Variants in GATAD2B observed in about 807,000 individuals in gnomAD.
The protein encoded by GATAD2B is GATA zinc finger domain containing 2B, also known as transcriptional repressor p66-beta.
In GATAD2B, 8 loss-of-function variants were observed where a neutral mutation model predicts 64.3. That is an observed-to-expected ratio of 0.12 (90% CI 0.07 to 0.22). The LOEUF (loss-of-function observed/expected upper bound fraction) is 0.22. Among genes scored for constraint, GATAD2B ranks in the 10% least tolerant of loss-of-function variants. The pLI is 1.00. For missense variants in GATAD2B, 453 were observed against 752.0 expected (o/e 0.60, Z 4.65); for synonymous variants, 281 against 271.3 (o/e 1.04, Z -0.35).
chr1:153,811,547 T>G (rs1275454601), intron 10 of GATAD2B, 184 bp downstream of exon 10: 5 of 677,808 alleles, frequency 7.4e-6, no homozygotes, highest in African/African-American at 1.8e-5. Flanking sequence ...AAAACCCTAG[T>G]GCATTGTGGG....
At position 153,909,456 on chromosome 1, in the gene GATAD2B, T is replaced by TC. The variant is rs1436867296; in HGVS notation, c.-2+13276dup. Reference sequence around the variant, plus strand: ...ACCTCATGATCCACCCGCCTTGGCCTCCTAAAGTGCTGGGATTACAGGCGT... The same window carrying TC: ...ACCTCATGATCCACCCGCCTTGGCCTCCCTAAAGTGCTGGGATTACAGGCGT... On this transcript the variant is annotated intron_variant, in intron 1 of 10. Coordinates refer to ENST00000368655, the MANE Select transcript of GATAD2B (RefSeq NM_020699.4). 2.6e-5 allele frequency among the ~76,000 whole-genome samples: 4 copies of TC among 151,652 alleles called. No individual in the cohort carries two copies. In the East Asian group the frequency reaches 8.0e-4, roughly 30 times the overall value.
At chr1:153,853,193 C>G in intron 1 of GATAD2B, 1 of 1,216,426 alleles carries the variant, frequency 8.2e-7, no homozygotes, top group Non-Finnish European at 1.2e-6. Context: ...CAATTTGCAG[C>G]TCTAGCTTCT....
rs915946777 is a variant in GATAD2B at position 153,848,970 on chromosome 1, C to A, written c.-1-20622G>T. ...ATCTCAAAACAAAGCAAAAAACAAA[C>A]AAACCCCCCCCCTCCCCCAGACTGG... On this transcript the variant is annotated intron_variant, in intron 1 of 10. Transcript: ENST00000368655. 3.5e-4 allele frequency among the ~76,000 whole-genome samples: 45 copies of A among 128,302 alleles called. No individual in the cohort carries two copies. In the Admixed American group the frequency reaches 3.8e-3, roughly 11 times the overall value. 84.2% of individuals were successfully genotyped at this position (128,302 alleles called of 152,430 possible).
At chr1:153,889,928 C>G (rs570237863) in intron 1 of GATAD2B, among the ~76,000 whole-genome samples, 8 of 151,956 alleles carry the variant, frequency 5.3e-5, no homozygotes, top group African/African-American at 1.9e-4. Flanking sequence ...AATCTCAGCA[C>G]TTTGGGAGGC....
rs188887541 is a variant in GATAD2B, at chr1:153,826,550, G to A, written c.335+1463C>T. On this transcript the variant is annotated intron_variant, in intron 2 of 10. Coordinates refer to ENST00000368655, the MANE Select transcript of GATAD2B (RefSeq NM_020699.4). Reference sequence around the variant, plus strand: ...GAGTAGAGAGGCAAGAGAATCACTTGAACCCAGGAGGTGGAGGGTGCAGTG... The same window carrying A: ...GAGTAGAGAGGCAAGAGAATCACTTAAACCCAGGAGGTGGAGGGTGCAGTG... Among the ~76,000 whole-genome samples, 556 of 152,214 alleles carry A rather than the reference G, an allele frequency of 3.7e-3. 2 individuals are homozygous for A. The highest frequency in any genetic ancestry group is 6.8e-3 in the Middle Eastern group (2 of 294).
In GATAD2B at chr1:153,887,800, CT is replaced by C. The variant is rs1677230135; in HGVS notation, c.-2+34932del. 2.0e-5 allele frequency among the ~76,000 whole-genome samples: 3 copies of C among 152,042 alleles called. No individual in the cohort carries two copies. In the South Asian group the frequency reaches 6.2e-4, roughly 32 times the overall value. Reference sequence around the variant, plus strand: ...TATTGCAAATAAGCATAAAAAATTACTGCAGGCTGGGTGTGGTGGTTCATGC... The same window carrying C: ...TATTGCAAATAAGCATAAAAAATTACGCAGGCTGGGTGTGGTGGTTCATGC... On this transcript the variant is annotated intron_variant, in intron 1 of 10. Transcript: ENST00000368655.
intron 1 of GATAD2B, among the ~76,000 whole-genome samples, chr1:153,895,144 G>A (rs1390886753): frequency 2.0e-5 from 3 of 151,654 alleles, no homozygotes; most frequent in African/African-American, 7.3e-5. Flanking sequence ...GGCAACAAGA[G>A]CGAAGCTCCG....
chr1:153,864,756 G>A (rs1676421612), intron 1 of GATAD2B, among the ~76,000 whole-genome samples: 1 of 152,168 alleles, frequency 6.6e-6, no homozygotes, highest in Admixed American at 6.6e-5. Flanking sequence ...TTCTATGAAT[G>A]AAAAAACTGA....
At chr1:153,881,078 G>C (rs536135477) in intron 1 of GATAD2B, among the ~76,000 whole-genome samples, 3 of 152,168 alleles carry the variant, frequency 2.0e-5, no homozygotes, top group Non-Finnish European at 4.4e-5. Flanking sequence ...AGATGACGCA[G>C]ACTTCCTTAT....
Position 153,833,860 on chromosome 1 carries a change from C to T in GATAD2B, c.-1-5512G>A, listed in dbSNP as rs143398825. Among the ~76,000 whole-genome samples, 884 of 151,492 alleles carry T rather than the reference C, an allele frequency of 5.8e-3. 4 individuals are homozygous for T. The highest frequency in any genetic ancestry group is 9.7e-3 in the Non-Finnish European group (656 of 67,898). On this transcript the variant is annotated intron_variant, in intron 1 of 10. Transcript: ENST00000368655. ...AAAAGAAATATTAATATATTTCAGG[C>T]CAAGCATGGTGGCTCACAAAAGTAA...
intron 1 of GATAD2B, among the ~76,000 whole-genome samples, chr1:153,831,718 A>G (rs1011636104): frequency 1.3e-5 from 2 of 152,174 alleles, no homozygotes; most frequent in African/African-American, 4.8e-5. Context: ...GCTATAGACC[A>G]CTACCCTAAC....
At chr1:153,905,202 C>T (rs930443797) in intron 1 of GATAD2B, among the ~76,000 whole-genome samples, 1 of 151,868 alleles carries the variant, frequency 6.6e-6, no homozygotes, top group Non-Finnish European at 1.5e-5. Flanking sequence ...GGTGAAACTC[C>T]GTCTCTAATA....
At chr1:153,891,279 G>A (rs1439983172) in intron 1 of GATAD2B, among the ~76,000 whole-genome samples, 1 of 151,500 alleles carries the variant, frequency 6.6e-6, no homozygotes, top group Non-Finnish European at 1.5e-5. Flanking sequence ...AAGAAAAAAG[G>A]GAAGGCAGCC....
In GATAD2B at chr1:153,853,501, T is replaced by C. The variant is rs866533213; in HGVS notation, c.-1-25153A>G. On this transcript the variant is annotated intron_variant, in intron 1 of 10. Transcript: ENST00000368655. ...ATTTTTTGCTACTGAGTTGTATGAG[T>C]TCCTTACATATGTTGGAGATTAACC... The C allele has an allele frequency of 1.2e-4, 44 of 361,906 alleles. 1 individual carries two copies. The Admixed American group carries it at 1.7e-3, about 14-fold the overall frequency. The allele number at this position is 361,906 out of a possible 1,614,324, so 22.4% of individuals were successfully genotyped here. A position where few individuals can be genotyped will look rare whatever the true frequency, so the allele number is the denominator to read the frequency against.
chr1:153,810,192 G>A lies in GATAD2B; in HGVS notation c.1767C>T (p.Ile589=), dbSNP rs751706057. The part of the protein sequence containing the change: ...MIPPRSISQS[I]SGQK ...GGAACAGGCGTTATTTCTGTCCACT[G>A]ATGGACTGCGATATAGACCGGGGAG... Residue 589 remains isoleucine (I), a synonymous_variant, in exon 11 of 11, where the codon ATC becomes ATT. Transcript: ENST00000368655. The A allele has an allele frequency of 1.7e-5, 27 of 1,610,606 alleles. No homozygotes were observed. Among genetic ancestry groups the A allele is most frequent in the Non-Finnish European group, 2.2e-5 (26 of 1,178,432 alleles).
At chr1:153,881,770 TTAG>T (rs1278279204) in intron 1 of GATAD2B, among the ~76,000 whole-genome samples, 1 of 146,890 alleles carries the variant, frequency 6.8e-6, no homozygotes, top group Non-Finnish European at 1.5e-5. Context: ...TGAGATGGGT[TTAG>T]GTTTTTTTCG....
chr1:153,826,732 G>A, intron 2 of GATAD2B, among the ~76,000 whole-genome samples: 1 of 152,064 alleles, frequency 6.6e-6, no homozygotes, highest in East Asian at 1.9e-4. Context: ...TTGAGGCTGA[G>A]AGTTTGAGAC....
At chr1:153,859,470 G>A (rs1206719227) in intron 1 of GATAD2B, among the ~76,000 whole-genome samples, 2 of 151,844 alleles carry the variant, frequency 1.3e-5, no homozygotes, top group Non-Finnish European at 2.9e-5. Context: ...AGGAGTTCGA[G>A]ACCAGCCTGG....
At chr1:153,920,238 T>C (rs1445571528) in intron 1 of GATAD2B, among the ~76,000 whole-genome samples, 1 of 152,180 alleles carries the variant, frequency 6.6e-6, no homozygotes, top group East Asian at 1.9e-4. Context: ...TGAGATGAAT[T>C]CAGAGGTCTC....
Sources: gnomAD v4.1 joint callset for allele counts (sites outside exome capture counted in the v4.1 genomes callset) on GRCh38, gnomAD v4.1.1 for gene constraint, MANE v1.5 for transcripts, NCBI Gene and HGNC (gene_info 2026-07-23, HGNC 2026-07-21) for gene names.